Variants in KLHL1 observed in about 807,000 individuals in gnomAD.
KLHL1 encodes kelch like family member 1, also known as kelch-like protein 1.
A neutral mutation model predicts 77.7 loss-of-function variants in KLHL1; 47 were observed. That is an observed-to-expected ratio of 0.60 (90% CI 0.48 to 0.77). The LOEUF (loss-of-function observed/expected upper bound fraction) is 0.77, where lower values mean the gene tolerates loss of function less well. KLHL1 is among the 30% of genes least tolerant of loss of function. The pLI, the probability that KLHL1 is intolerant of heterozygous loss-of-function variation, is 0.00. For synonymous variants in KLHL1, 360 were observed against 325.2 expected (o/e 1.11, Z -1.15); for missense variants, 925 against 910.8 (o/e 1.02, Z -0.20).
intron 4 of KLHL1, among the ~76,000 whole-genome samples, chr13:69,926,237 G>T (rs1423875800): frequency 6.6e-6 from 1 of 152,078 alleles, no homozygotes; most frequent in Non-Finnish European, 1.5e-5. Flanking sequence ...GTGGCATATT[G>T]CCCACACCTA....
At chr13:69,709,687 A>C (rs1423621482) in intron 9 of KLHL1, among the ~76,000 whole-genome samples, 1 of 152,024 alleles carries the variant, frequency 6.6e-6, no homozygotes, top group East Asian at 1.9e-4. Context: ...TTCTGGAATA[A>C]TTCAATAATG....
At chr13:69,995,070 T>G (rs1183682890) in intron 1 of KLHL1, among the ~76,000 whole-genome samples, 1 of 152,120 alleles carries the variant, frequency 6.6e-6, no homozygotes, top group Non-Finnish European at 1.5e-5. Context: ...CAGTCGCCTT[T>G]TAAGGATAAA....
intron 5 of KLHL1, among the ~76,000 whole-genome samples, chr13:69,878,903 A>C (rs1469960099): frequency 6.6e-6 from 1 of 152,192 alleles, no homozygotes; most frequent in Non-Finnish European, 1.5e-5. Flanking sequence ...CATACACACC[A>C]TGGAATACTA....
intron 1 of KLHL1, among the ~76,000 whole-genome samples, chr13:70,017,805 A>C (rs1885695930): frequency 6.6e-6 from 1 of 152,258 alleles, no homozygotes; most frequent in Non-Finnish European, 1.5e-5. Flanking sequence ...GTAGAGCTTA[A>C]GTGAAATATT....
chr13:69,997,038 T>C (rs1027227691), intron 1 of KLHL1, among the ~76,000 whole-genome samples: 2 of 144,164 alleles, frequency 1.4e-5, no homozygotes, highest in African/African-American at 5.2e-5. Context: ...CTGGTCAACA[T>C]GGTGAAACCC....
chr13:70,047,120 C>A (rs1279990069), intron 1 of KLHL1, among the ~76,000 whole-genome samples: 1 of 151,898 alleles, frequency 6.6e-6, no homozygotes, highest in Non-Finnish European at 1.5e-5. Context: ...GTGGACTGAC[C>A]ACTGCAGAAT....
chr13:69,878,043 G>A (rs1880832106), intron 5 of KLHL1, among the ~76,000 whole-genome samples: 1 of 152,100 alleles, frequency 6.6e-6, no homozygotes, highest in South Asian at 2.1e-4. Flanking sequence ...AACACAAGAG[G>A]CTATTAAAGC....
chr13:69,715,298 G>C (rs1876067018), intron 9 of KLHL1, among the ~76,000 whole-genome samples: 1 of 152,040 alleles, frequency 6.6e-6, no homozygotes. Context: ...AATGGGGGTG[G>C]TTTCCCCCAT....
At chr13:69,919,457 C>T (rs2138260895) in intron 4 of KLHL1, among the ~76,000 whole-genome samples, 1 of 152,100 alleles carries the variant, frequency 6.6e-6, no homozygotes, top group African/African-American at 2.4e-5. Flanking sequence ...TTAGATATTG[C>T]TGATGTATGT....
chr13:69,822,746 A>G (rs1202344162), intron 6 of KLHL1, among the ~76,000 whole-genome samples: 2 of 152,198 alleles, frequency 1.3e-5, no homozygotes, highest in Non-Finnish European at 2.9e-5. Context: ...AATGATGTGT[A>G]TAATTGCTAT....
intron 5 of KLHL1, among the ~76,000 whole-genome samples, chr13:69,859,349 G>C (rs1344555265): frequency 6.6e-6 from 1 of 151,476 alleles, no homozygotes; most frequent in Non-Finnish European, 1.5e-5. Flanking sequence ...TTTTTGGCTG[G>C]GTCTAGCTAA....
intron 3 of KLHL1, among the ~76,000 whole-genome samples, chr13:69,953,356 C>T (rs1443602576): frequency 1.3e-5 from 2 of 151,070 alleles, no homozygotes; most frequent in Non-Finnish European, 3.0e-5. Context: ...GAAGGTCATG[C>T]TTTTCACTCA....
intron 1 of KLHL1, among the ~76,000 whole-genome samples, chr13:70,027,019 T>A (rs1373985512): frequency 6.6e-6 from 1 of 152,060 alleles, no homozygotes; most frequent in Non-Finnish European, 1.5e-5. Context: ...ATTGTGAGCT[T>A]CAGGTGCATC....
intron 1 of KLHL1, among the ~76,000 whole-genome samples, chr13:70,037,990 T>C (rs1237598220): frequency 6.6e-6 from 1 of 152,190 alleles, no homozygotes; most frequent in East Asian, 1.9e-4. Context: ...TTTTCTGTAC[T>C]TTCATTCCAC....
intron 8 of KLHL1, among the ~76,000 whole-genome samples, chr13:69,738,094 C>T (rs894460140): frequency 3.3e-5 from 5 of 152,090 alleles, no homozygotes; most frequent in East Asian, 3.9e-4. Flanking sequence ...AGGGGCGGGA[C>T]GGACCCAGGC....
intron 5 of KLHL1, among the ~76,000 whole-genome samples, chr13:69,849,784 A>T (rs1254714409): frequency 6.6e-6 from 1 of 151,456 alleles, no homozygotes; most frequent in Non-Finnish European, 1.5e-5. Flanking sequence ...AGGCCCCATG[A>T]TTTGCTCAAG....
chr13:69,844,325 T>C (rs1474888320), intron 5 of KLHL1, among the ~76,000 whole-genome samples: 2 of 151,704 alleles, frequency 1.3e-5, no homozygotes, highest in African/African-American at 4.8e-5. Context: ...GTATGCTGTA[T>C]TCAAATACTA....
chr13:69,882,920 T>C (rs905817430), intron 4 of KLHL1, among the ~76,000 whole-genome samples: 17 of 152,170 alleles, frequency 1.1e-4, no homozygotes, highest in Non-Finnish European at 7.4e-5. Context: ...CACTATAAGA[T>C]GCACCATTGT....
chr13:69,900,785 G>A (rs1165924366), intron 4 of KLHL1, among the ~76,000 whole-genome samples: 2 of 152,196 alleles, frequency 1.3e-5, no homozygotes, highest in African/African-American at 4.8e-5. Context: ...CTACATCACA[G>A]TAGTTCCACA....
Sources: gnomAD v4.1 joint callset for allele counts (sites outside exome capture counted in the v4.1 genomes callset) on GRCh38, gnomAD v4.1.1 for gene constraint, MANE v1.5 for transcripts, NCBI Gene and HGNC (gene_info 2026-07-23, HGNC 2026-07-21) for gene names.